Variants in CNTNAP2 observed in about 807,000 individuals in gnomAD.
The protein encoded by CNTNAP2 is contactin-associated protein-like 2.
In CNTNAP2, 98 loss-of-function variants were observed where a neutral mutation model predicts 155.2. That is an observed-to-expected ratio of 0.63 (90% confidence interval 0.54 to 0.75). The LOEUF is 0.75. Among genes scored for constraint, CNTNAP2 ranks in the 30% least tolerant of loss-of-function variants. CNTNAP2 has a pLI of 0.00. For missense variants in CNTNAP2, 1,727 were observed against 1,688.1 expected (o/e 1.02, Z -0.40); for synonymous variants, 651 against 631.2 (o/e 1.03, Z -0.47).
chr7:146,635,303 TCCTA>T (rs1176737962), intron 1 of CNTNAP2, among the ~76,000 whole-genome samples: 2 of 152,174 alleles, frequency 1.3e-5, no homozygotes, highest in African/African-American at 4.8e-5. Context: ...GCAGCTCTCT[TCCTA>T]CCTGTCTGCC....
chr7:146,442,458 A>ATG (rs899403643), intron 1 of CNTNAP2, among the ~76,000 whole-genome samples: 17 of 151,884 alleles, frequency 1.1e-4, no homozygotes, highest in Admixed American at 2.0e-4. Context: ...GTGCGTGCGC[A>ATG]TGTGTGTGTG....
chr7:147,360,179 T>C (rs947385951), intron 9 of CNTNAP2, among the ~76,000 whole-genome samples: 3 of 152,234 alleles, frequency 2.0e-5, no homozygotes, highest in South Asian at 2.1e-4. Context: ...TGTTTATATA[T>C]GTCCCTATAT....
chr7:148,142,628 C>T (rs1223852179), intron 16 of CNTNAP2, among the ~76,000 whole-genome samples: 3 of 152,012 alleles, frequency 2.0e-5, no homozygotes, highest in African/African-American at 4.8e-5. Flanking sequence ...TGCTATATAA[C>T]TTTCCTTCTC....
chr7:146,286,472 T>A (rs1800338742), intron 1 of CNTNAP2, among the ~76,000 whole-genome samples: 1 of 152,120 alleles, frequency 6.6e-6, no homozygotes, highest in African/African-American at 2.4e-5. Context: ...CCAGTCTACC[T>A]TTTTTTGTTG....
At chr7:148,066,935 T>C (rs931657358) in intron 15 of CNTNAP2, among the ~76,000 whole-genome samples, 3 of 152,214 alleles carry the variant, frequency 2.0e-5, no homozygotes, top group Non-Finnish European at 2.9e-5. Context: ...AGTGTGTCTT[T>C]CATTTCCAGA....
At chr7:147,293,752 C>A (rs1563149310) in intron 8 of CNTNAP2, among the ~76,000 whole-genome samples, 1 of 152,104 alleles carries the variant, frequency 6.6e-6, no homozygotes, top group Non-Finnish European at 1.5e-5. Flanking sequence ...ATCAAAGCAA[C>A]TTCCTCAAGA....
At chr7:146,932,700 C>G (rs905657691) in intron 3 of CNTNAP2, among the ~76,000 whole-genome samples, 1 of 152,130 alleles carries the variant, frequency 6.6e-6, no homozygotes, top group Non-Finnish European at 1.5e-5. Flanking sequence ...ATTGTCTCAG[C>G]CCAAAATCTC....
At chr7:148,039,317 A>C (rs1268795978) in intron 15 of CNTNAP2, among the ~76,000 whole-genome samples, 1 of 152,094 alleles carries the variant, frequency 6.6e-6, no homozygotes, top group Admixed American at 6.5e-5. Context: ...ACAAAAAAAG[A>C]ATTTGTCTTC....
intron 1 of CNTNAP2, among the ~76,000 whole-genome samples, chr7:146,664,823 A>G: frequency 6.6e-6 from 1 of 152,328 alleles, no homozygotes; most frequent in South Asian, 2.1e-4. Flanking sequence ...TTAAATAGAT[A>G]TAGGACTATT....
chr7:146,435,044 A>G (rs2129117855), intron 1 of CNTNAP2, among the ~76,000 whole-genome samples: 1 of 152,282 alleles, frequency 6.6e-6, no homozygotes, highest in East Asian at 1.9e-4. Flanking sequence ...GAAAATCAAA[A>G]GGTATAGAAG....
At position 148,277,009 on chromosome 7, in the gene CNTNAP2, G is replaced by C. The variant is rs559336904; in HGVS notation, c.3475+9883G>C. Reference sequence around the variant, plus strand: ...CTTAATCATTTCAAAATTCCTTCCTGGTTGTGCTCTGTCCCTCATGAATAA... The same window carrying C: ...CTTAATCATTTCAAAATTCCTTCCTCGTTGTGCTCTGTCCCTCATGAATAA... On this transcript the variant is annotated intron_variant, in intron 21 of 23. Transcript: ENST00000361727. 3.2e-4 allele frequency among the ~76,000 whole-genome samples: 48 copies of C among 152,308 alleles called. 1 individual carries two copies. In the South Asian group the frequency reaches 9.1e-3, roughly 29 times the overall value.
At chr7:146,392,505 C>G (rs1430893448) in intron 1 of CNTNAP2, among the ~76,000 whole-genome samples, 1 of 152,134 alleles carries the variant, frequency 6.6e-6, no homozygotes, top group Non-Finnish European at 1.5e-5. Flanking sequence ...TAAAATTTCT[C>G]TTTTTCGGTT....
At chr7:147,174,825 G>T (rs540797772) in intron 8 of CNTNAP2, among the ~76,000 whole-genome samples, 1 of 152,192 alleles carries the variant, frequency 6.6e-6, no homozygotes, top group Non-Finnish European at 1.5e-5. Context: ...TATATATGCT[G>T]TAAACCTTTG....
chr7:148,150,095 G>T (rs1805267675), intron 17 of CNTNAP2, among the ~76,000 whole-genome samples: 1 of 114,068 alleles, frequency 8.8e-6, no homozygotes, highest in Non-Finnish European at 1.8e-5. Flanking sequence ...AGTGAGAGGG[G>T]TTGTTACAAA....
intron 13 of CNTNAP2, among the ~76,000 whole-genome samples, chr7:147,803,562 A>G (rs1798040772): frequency 6.6e-6 from 1 of 152,192 alleles, no homozygotes; most frequent in African/African-American, 2.4e-5. Flanking sequence ...AGATAGTAAT[A>G]TATTTCAAAC....
At position 147,077,485 on chromosome 7, in the gene CNTNAP2, G is replaced by A. The variant is rs141071719; in HGVS notation, c.551-30662G>A. Among the ~76,000 whole-genome samples the A allele has an allele frequency of 2.8e-3, 432 of 152,196 alleles. 1 individual carries two copies. The highest frequency in any genetic ancestry group is 1.0e-2 in the African/African-American group (415 of 41,518). ...AGCCGTTTCATATTCTTAGGTAGACGCAAGATCCCCGTACTTCCTGAAACC... is the reference window on the plus strand; with the variant it reads ...AGCCGTTTCATATTCTTAGGTAGACACAAGATCCCCGTACTTCCTGAAACC... On this transcript the variant is annotated intron_variant, in intron 4 of 23. Coordinates refer to ENST00000361727, the MANE Select transcript of CNTNAP2 (RefSeq NM_014141.6).
intron 11 of CNTNAP2, among the ~76,000 whole-genome samples, chr7:147,561,212 C>A (rs1475223643): frequency 2.6e-5 from 4 of 152,142 alleles, no homozygotes; most frequent in African/African-American, 9.7e-5. Context: ...TAACACACAA[C>A]AACCCCTAAG....
chr7:146,830,505 A>G (rs1043413171), intron 2 of CNTNAP2, among the ~76,000 whole-genome samples: 1 of 152,150 alleles, frequency 6.6e-6, no homozygotes, highest in Non-Finnish European at 1.5e-5. Flanking sequence ...ATGCATGAAA[A>G]ACATATCTAA....
chr7:146,916,231 C>T (rs376986675), intron 3 of CNTNAP2, among the ~76,000 whole-genome samples: 52 of 152,010 alleles, frequency 3.4e-4, no homozygotes, highest in African/African-American at 1.1e-3. Context: ...AGTATTTTAT[C>T]GAGAATTTTT....
Sources: gnomAD v4.1 joint callset for allele counts (sites outside exome capture counted in the v4.1 genomes callset) on GRCh38, gnomAD v4.1.1 for gene constraint, MANE v1.5 for transcripts, NCBI Gene and HGNC (gene_info 2026-07-23, HGNC 2026-07-21) for gene names.